Variants in ST3GAL6 observed in about 807,000 individuals in gnomAD.
The protein encoded by ST3GAL6 is ST3 beta-galactoside alpha-2,3-sialyltransferase 6.
In ST3GAL6, 31 loss-of-function variants were observed where a neutral mutation model predicts 40.5. The observed-to-expected ratio is 0.77, with a 90% CI of 0.58 to 1.03. The LOEUF (loss-of-function observed/expected upper bound fraction) is 1.03, where lower values mean the gene tolerates loss of function less well. Among genes scored for constraint, ST3GAL6 ranks in the 50% least tolerant of loss-of-function variants. The probability of loss-of-function intolerance (pLI) is 0.00; values close to 1 mark genes in which losing one functional copy is unlikely to be tolerated. For synonymous variants in ST3GAL6, 129 were observed against 136.9 expected, an observed-to-expected ratio of 0.94 and a Z score of 0.40; for missense variants, 357 against 393.2, an observed-to-expected ratio of 0.91 and a Z score of 0.78.
chr3:98,750,156 C>A (rs530601562), intron 1 of ST3GAL6, among the ~76,000 whole-genome samples: 18 of 152,266 alleles, frequency 1.2e-4, no homozygotes, highest in African/African-American at 3.9e-4. Context: ...ATACTGAAAT[C>A]ACAAATTCAT....
chr3:98,762,960 C>G, upstream of ST3GAL6: 9 of 985,308 alleles, frequency 9.1e-6, no homozygotes, highest in Non-Finnish European at 1.1e-5. Flanking sequence ...GGTTGTAGAT[C>G]CTTGGGATAT....
At chr3:98,768,327 C>T (rs1576085953) in intron 1 of ST3GAL6, 103 bp from the exon 2 acceptor site, 4 of 842,380 alleles carry the variant, frequency 4.7e-6, no homozygotes, top group East Asian at 2.5e-5. Context: ...TCTATAGTTC[C>T]TTTTGTATAT....
chr3:98,791,883 G>C lies in ST3GAL6; in HGVS notation c.799G>C (p.Ala267Pro). Residue 267 changes from alanine (A) to proline (P), a missense_variant, in exon 9 of 10, where the codon GCG becomes CCG. Coordinates refer to ENST00000483910, the MANE Select transcript of ST3GAL6 (RefSeq NM_001323368.2). ...AACAGGAATTATTGCCATCACATTG[G>C]CGTTTTACATATGTCACGAAGTTCA... ...PTTGIIAITL[A>P]FYICHEVHLA... 1 of 1,613,710 alleles carries C rather than the reference G, an allele frequency of 6.2e-7. No individual in the cohort carries two copies. The highest frequency in any genetic ancestry group is 1.1e-5 in the South Asian group (1 of 91,050).
intron 1 of ST3GAL6, among the ~76,000 whole-genome samples, chr3:98,736,422 G>A (rs1158049977): frequency 6.6e-6 from 1 of 152,160 alleles, no homozygotes; most frequent in Non-Finnish European, 1.5e-5. Flanking sequence ...AGGACATGAT[G>A]AGAACAAGGC....
chr3:98,762,850 G>A (rs75051948), upstream of ST3GAL6: 1,208 of 985,320 alleles, frequency 1.2e-3, 27 homozygotes, highest in East Asian at 0.043. Context: ...GAAAATATCC[G>A]TGATTTCATC....
chr3:98,790,926 G>A (rs988692732), intron 8 of ST3GAL6, among the ~76,000 whole-genome samples: 7 of 152,188 alleles, frequency 4.6e-5, no homozygotes, highest in Admixed American at 3.3e-4. Flanking sequence ...ATTTTATGCT[G>A]AAGGCAGTTA....
chr3:98,735,632 G>T (rs11925547), intron 1 of ST3GAL6, among the ~76,000 whole-genome samples: 6,218 of 152,162 alleles, frequency 0.041, 399 homozygotes, highest in African/African-American at 0.14. Flanking sequence ...GTTTTCCCAG[G>T]GTTACATCCC....
chr3:98,781,076 C>G (rs1407364536), intron 5 of ST3GAL6, among the ~76,000 whole-genome samples: 1 of 152,116 alleles, frequency 6.6e-6, no homozygotes, highest in African/African-American at 2.4e-5. Flanking sequence ...TTGGAACCAA[C>G]CCAAATGCCC....
intron 5 of ST3GAL6, among the ~76,000 whole-genome samples, chr3:98,780,521 C>G (rs1305404272): frequency 6.6e-6 from 1 of 152,150 alleles, no homozygotes; most frequent in Non-Finnish European, 1.5e-5. Flanking sequence ...CGTAGAGCTG[C>G]AAAGAATCTT....
At chr3:98,746,649 A>G (rs1936579403) in intron 1 of ST3GAL6, among the ~76,000 whole-genome samples, 1 of 152,166 alleles carries the variant, frequency 6.6e-6, no homozygotes, top group Non-Finnish European at 1.5e-5. Flanking sequence ...AGAATTCCAT[A>G]CATGAGTCTT....
chr3:98,793,008 G>A (rs1941337515), intron 9 of ST3GAL6, among the ~76,000 whole-genome samples: 2 of 152,092 alleles, frequency 1.3e-5, no homozygotes, highest in Non-Finnish European at 2.9e-5. Context: ...CACTATATAA[G>A]CTGAGAAAGT....
At chr3:98,790,024 A>G (rs1253573825) in intron 8 of ST3GAL6, among the ~76,000 whole-genome samples, 2 of 152,204 alleles carry the variant, frequency 1.3e-5, no homozygotes, top group African/African-American at 2.4e-5. Context: ...TTGGTGATAT[A>G]TATTAACAAG....
At chr3:98,733,320 C>G in intron 1 of ST3GAL6, 10 of 1,154,388 alleles carry the variant, frequency 8.7e-6, no homozygotes, top group Non-Finnish European at 1.1e-5. Flanking sequence ...CGCGGGTAAG[C>G]CCAGGAGCCG....
chr3:98,792,535 C>A (rs1474920696), intron 9 of ST3GAL6, among the ~76,000 whole-genome samples: 1 of 136,320 alleles, frequency 7.3e-6, no homozygotes, highest in Non-Finnish European at 1.5e-5. Flanking sequence ...TTTTGAGAGT[C>A]TCACTCTGTC....
intron 1 of ST3GAL6, among the ~76,000 whole-genome samples, chr3:98,750,066 AT>A (rs35302662): frequency 6.6e-6 from 1 of 151,820 alleles, no homozygotes; most frequent in Admixed American, 6.6e-5. Context: ...GAGACACATG[AT>A]TTTTTTTTAA....
intron 1 of ST3GAL6, among the ~76,000 whole-genome samples, chr3:98,745,085 G>A (rs961802806): frequency 3.3e-5 from 5 of 151,972 alleles, no homozygotes; most frequent in African/African-American, 4.8e-5. Context: ...CCAGGCTGGG[G>A]TGTAGTGGTG....
chr3:98,784,137 G>A (rs1007058944), intron 5 of ST3GAL6, among the ~76,000 whole-genome samples: 3 of 152,204 alleles, frequency 2.0e-5, no homozygotes, highest in Non-Finnish European at 4.4e-5. Context: ...GAGGGCCCTG[G>A]AAGGATAGCC....
intron 2 of ST3GAL6, 74 bp from the exon 3 acceptor site, chr3:98,770,805 T>G: frequency 7.7e-7 from 1 of 1,302,572 alleles, no homozygotes. Flanking sequence ...ATGAATGAGT[T>G]CCCAGGGCAT....
chr3:98,742,845 G>C (rs1040185089), intron 1 of ST3GAL6, among the ~76,000 whole-genome samples: 6 of 151,536 alleles, frequency 4.0e-5, no homozygotes, highest in African/African-American at 1.5e-4. Context: ...TACCAGGCAT[G>C]TACCACCACA....
Sources: allele counts gnomAD v4.1 joint callset (sites outside exome capture counted in the v4.1 genomes callset), GRCh38; gene constraint gnomAD v4.1.1; transcripts MANE v1.5; gene names NCBI Gene and HGNC (gene_info 2026-07-23, HGNC 2026-07-21).